Variants in RBFOX1 observed in about 807,000 individuals in gnomAD.
The protein encoded by RBFOX1 is RNA binding protein fox-1 homolog 1.
Under a neutral mutation model 57.7 loss-of-function variants are expected in RBFOX1, and 8 were observed. The ratio of observed to expected loss-of-function variants is 0.14; its 90% CI spans 0.08 to 0.25. RBFOX1 has a LOEUF of 0.25. RBFOX1 is among the 10% of genes least tolerant of loss of function. RBFOX1 has a pLI of 1.00. For missense variants in RBFOX1, 611 were observed against 548.5 expected, an observed-to-expected ratio of 1.11 and a Z score of -1.14; for synonymous variants, 326 against 222.4, an observed-to-expected ratio of 1.47 and a Z score of -4.15.
At chr16:5,529,269 T>C (rs981774969) in intron 2 of RBFOX1, among the ~76,000 whole-genome samples, 3 of 152,158 alleles carry the variant, frequency 2.0e-5, no homozygotes, top group African/African-American at 7.2e-5. Flanking sequence ...CCAAATTCAT[T>C]TGTTAAAGTC....
intron 1 of RBFOX1, among the ~76,000 whole-genome samples, chr16:6,259,765 C>T (rs1458355587): frequency 6.6e-6 from 1 of 152,012 alleles, no homozygotes; most frequent in Admixed American, 6.5e-5. Flanking sequence ...CGAGACCAGC[C>T]TGGCAAACAT....
intron 2 of RBFOX1, among the ~76,000 whole-genome samples, chr16:5,472,147 T>C (rs526368): frequency 0.32 from 49,071 of 151,996 alleles, 8,004 homozygotes; most frequent in Admixed American, 0.35. Flanking sequence ...GCTCTCTCCC[T>C]GCCTTCTAGC....
chr16:7,039,622 T>G (rs2045555381), intron 3 of RBFOX1, among the ~76,000 whole-genome samples: 1 of 152,208 alleles, frequency 6.6e-6, no homozygotes, highest in Admixed American at 6.5e-5. Flanking sequence ...ACAACCGCCA[T>G]GACCGGTGGT....
intron 2 of RBFOX1, among the ~76,000 whole-genome samples, chr16:6,498,205 T>C (rs2095824885): frequency 6.7e-6 from 1 of 149,508 alleles, no homozygotes; most frequent in South Asian, 2.1e-4. Flanking sequence ...TGAGCCAAGA[T>C]TGTGCCACTG....
intron 4 of RBFOX1, among the ~76,000 whole-genome samples, chr16:7,488,590 C>G (rs1021772497): frequency 6.6e-6 from 1 of 151,236 alleles, no homozygotes; most frequent in African/African-American, 2.5e-5. Context: ...CTGACATCGT[C>G]TATCTATACG....
intron 1 of RBFOX1, among the ~76,000 whole-genome samples, chr16:6,204,037 A>C (rs754805730): frequency 1.5e-4 from 22 of 150,930 alleles, no homozygotes; most frequent in South Asian, 2.1e-4. Context: ...GACATTCATA[A>C]AATTATTTCT....
At chr16:7,202,661 A>G (rs1567688565) in intron 4 of RBFOX1, among the ~76,000 whole-genome samples, 1 of 152,192 alleles carries the variant, frequency 6.6e-6, no homozygotes, top group Non-Finnish European at 1.5e-5. Flanking sequence ...CAGAGCAGCC[A>G]CGGCATTAGG....
intron 2 of RBFOX1, among the ~76,000 whole-genome samples, chr16:6,616,860 C>A (rs188388590): frequency 1.3e-5 from 2 of 152,230 alleles, no homozygotes; most frequent in South Asian, 4.1e-4. Context: ...TATGGGCCAC[C>A]TCTAGCCTCT....
At position 6,444,776 on chromosome 16, in the gene RBFOX1, G is replaced by C. The variant is rs188927548; in HGVS notation, c.-64+127719G>C. On this transcript the variant is annotated intron_variant, in intron 2 of 15. Transcript: ENST00000550418. ...AGAGAAAGAAAGGTATAGGGAGGCA[G>C]GGGAGGAACCAAAACTGCTTTTGTT... 5.8e-4 allele frequency among the ~76,000 whole-genome samples: 88 copies of C among 152,272 alleles called. 1 individual carries two copies. Among genetic ancestry groups the C allele is most frequent in the Non-Finnish European group, 5.9e-5 (4 of 68,016 alleles).
chr16:7,684,877 G>A lies in RBFOX1; in HGVS notation c.995+8039G>A, dbSNP rs191159744. Among the ~76,000 whole-genome samples the A allele has an allele frequency of 1.5e-3, 235 of 152,090 alleles. 1 individual carries two copies. The Middle Eastern group carries it at 0.02, about 13-fold the overall frequency. On this transcript the variant is annotated intron_variant, in intron 14 of 15. Coordinates refer to ENST00000550418, the MANE Select transcript of RBFOX1 (RefSeq NM_018723.4). ...GCTTCCCTGTTTTTTCAGAATGATC[G>A]TTTCCCCACTATTTTTGTTTTCTTC...
chr16:7,563,377 G>A (rs1369738428), intron 5 of RBFOX1, among the ~76,000 whole-genome samples: 1 of 152,210 alleles, frequency 6.6e-6, no homozygotes, highest in Non-Finnish European at 1.5e-5. Flanking sequence ...CAGATAGGAA[G>A]CAGTGAAGCT....
chr16:5,892,581 G>A (rs2058071100), intron 4 of RBFOX1, among the ~76,000 whole-genome samples: 1 of 152,164 alleles, frequency 6.6e-6, no homozygotes, highest in African/African-American at 2.4e-5. Context: ...AAGCAGAGAG[G>A]CAATAACCAC....
intron 2 of RBFOX1, among the ~76,000 whole-genome samples, chr16:5,500,627 A>C (rs575738529): frequency 6.6e-6 from 1 of 152,208 alleles, no homozygotes; most frequent in South Asian, 2.1e-4. Flanking sequence ...TCTCAACCTA[A>C]GTCACTCTAT....
chr16:5,839,867 A>G (rs946830617), intron 3 of RBFOX1, among the ~76,000 whole-genome samples: 2 of 152,204 alleles, frequency 1.3e-5, no homozygotes, highest in African/African-American at 4.8e-5. Flanking sequence ...ATGCTTCTGC[A>G]GCTCATTGAC....
chr16:7,267,263 G>C (rs781153027), intron 4 of RBFOX1, among the ~76,000 whole-genome samples: 1 of 152,048 alleles, frequency 6.6e-6, no homozygotes, highest in Non-Finnish European at 1.5e-5. Context: ...AGCTGGGCAC[G>C]GTGGCTCATG....
chr16:5,691,201 A>G (rs2050667258), intron 3 of RBFOX1, among the ~76,000 whole-genome samples: 1 of 152,198 alleles, frequency 6.6e-6, no homozygotes, highest in Non-Finnish European at 1.5e-5. Flanking sequence ...TGTTTTGCAT[A>G]ATTTCCATCA....
At chr16:5,342,284 G>A (rs1416206735) in intron 1 of RBFOX1, among the ~76,000 whole-genome samples, 1 of 152,178 alleles carries the variant, frequency 6.6e-6, no homozygotes, top group African/African-American at 2.4e-5. Flanking sequence ...CCTGGCTTTA[G>A]AAGTTTGAAC....
At chr16:7,031,052 C>G (rs140367205) in intron 3 of RBFOX1, among the ~76,000 whole-genome samples, 128 of 152,286 alleles carry the variant, frequency 8.4e-4, no homozygotes, top group African/African-American at 2.9e-3. Context: ...GTGTATGATG[C>G]TGATGCTGCT....
intron 3 of RBFOX1, among the ~76,000 whole-genome samples, chr16:5,843,254 C>T (rs192443839): frequency 2.0e-4 from 31 of 152,296 alleles, no homozygotes; most frequent in Non-Finnish European, 5.9e-5. Flanking sequence ...AAGCCTCGGA[C>T]CCAATAGTTA....
Sources: gnomAD v4.1 joint callset for allele counts (sites outside exome capture counted in the v4.1 genomes callset) on GRCh38, gnomAD v4.1.1 for gene constraint, MANE v1.5 for transcripts, NCBI Gene and HGNC (gene_info 2026-07-23, HGNC 2026-07-21) for gene names.